The following TNFRSF10D variants were observed in gnomAD, a reference collection of about 807,000 sequenced individuals.
TNFRSF10D encodes TNF receptor superfamily member 10d.
Under a neutral mutation model 42.1 loss-of-function variants are expected in TNFRSF10D, and 28 were observed. The observed-to-expected ratio is 0.66, with a 90% CI of 0.49 to 0.91. The LOEUF (loss-of-function observed/expected upper bound fraction) is 0.91. Ranked by LOEUF, TNFRSF10D falls within the 40% of genes least tolerant of loss-of-function variation. TNFRSF10D has a pLI of 0.00. For synonymous variants in TNFRSF10D, 186 were observed against 189.4 expected, an observed-to-expected ratio of 0.98 and a Z score of 0.15; for missense variants, 503 against 486.1, an observed-to-expected ratio of 1.03 and a Z score of -0.33.
At chr8:23,142,498 G>A (rs910840485) in intron 7 of TNFRSF10D, among the ~76,000 whole-genome samples, 3 of 152,138 alleles carry the variant, frequency 2.0e-5, no homozygotes, top group Non-Finnish European at 4.4e-5. Flanking sequence ...ATGTAGGAAC[G>A]CAAAACCAAA....
intron 7 of TNFRSF10D, among the ~76,000 whole-genome samples, chr8:23,143,069 C>T (rs576563752): frequency 3.3e-5 from 5 of 152,178 alleles, no homozygotes; most frequent in South Asian, 2.1e-4. Context: ...CTCCGCCTCA[C>T]GGGTTCACGC....
At chr8:23,158,065 A>G (rs547701744) in intron 1 of TNFRSF10D, among the ~76,000 whole-genome samples, 938 of 152,278 alleles carry the variant, frequency 6.2e-3, no homozygotes, top group African/African-American at 0.019. Flanking sequence ...CAACTCAGGC[A>G]GTCCGGCTGT....
chr8:23,156,574 T>C (rs1283056514), intron 1 of TNFRSF10D, among the ~76,000 whole-genome samples: 1 of 146,544 alleles, frequency 6.8e-6, no homozygotes, highest in Admixed American at 6.9e-5. Context: ...TTTTTTTTTT[T>C]CTTTTTTGGA....
intron 2 of TNFRSF10D, among the ~76,000 whole-genome samples, chr8:23,151,919 T>TG (rs1032205175): frequency 5.3e-5 from 8 of 152,260 alleles, no homozygotes; most frequent in African/African-American, 1.4e-4. Flanking sequence ...AGCCTTGCCC[T>TG]GGGGGGGATC....
intron 1 of TNFRSF10D, among the ~76,000 whole-genome samples, chr8:23,159,587 G>A (rs1034540814): frequency 3.9e-5 from 6 of 152,020 alleles, no homozygotes; most frequent in African/African-American, 1.5e-4. Context: ...GTGTTGGCTG[G>A]GCATGGTGGC....
intron 7 of TNFRSF10D, among the ~76,000 whole-genome samples, chr8:23,138,764 T>C (rs992910886): frequency 2.0e-5 from 3 of 152,252 alleles, no homozygotes; most frequent in African/African-American, 7.2e-5. Flanking sequence ...GCAGTCTCTA[T>C]GGAGGCTGGA....
At chr8:23,159,208 C>A (rs1216251062) in intron 1 of TNFRSF10D, among the ~76,000 whole-genome samples, 2 of 152,108 alleles carry the variant, frequency 1.3e-5, no homozygotes, top group Admixed American at 6.6e-5. Context: ...TCTAAGGATG[C>A]ACCCACCTGG....
chr8:23,146,779 G>A (rs2128837087), intron 4 of TNFRSF10D, among the ~76,000 whole-genome samples, 182 bp downstream of exon 4: 1 of 152,236 alleles, frequency 6.6e-6, no homozygotes, highest in South Asian at 2.1e-4. Flanking sequence ...TGCTGCAGGG[G>A]GTAGGGGTGG....
chr8:23,163,679 C>T (rs1466355870), intron 1 of TNFRSF10D, 107 bp downstream of exon 1: 2 of 1,497,902 alleles, frequency 1.3e-6, no homozygotes, highest in African/African-American at 1.4e-5. Flanking sequence ...ACATGCCCGG[C>T]CGCAGGCGAC....
chr8:23,137,784 A>T lies in TNFRSF10D; in HGVS notation c.*86T>A. 1 of 1,524,864 alleles carries T rather than the reference A, an allele frequency of 6.6e-7. No individual in the cohort carries two copies. The highest frequency in any genetic ancestry group is 2.1e-5 in the Admixed American group (1 of 47,648). The allele number at this position is 1,524,864 out of a possible 1,614,324, so 94.5% of individuals were successfully genotyped here. On this transcript the variant is annotated 3_prime_UTR_variant, in exon 9 of 9. Coordinates refer to ENST00000312584, the MANE Select transcript of TNFRSF10D (RefSeq NM_003840.5). ...AGTAGAGTTTGTTGGGGCATGGGTC[A>T]AGTACTGGACTGTTTCTTCCAGGCT...
At position 23,163,821 on chromosome 8, in the gene TNFRSF10D, T is replaced by C. The variant is rs1264139019; in HGVS notation, c.115A>G (p.Lys39Glu). Residue 39 changes from lysine to glutamate, a missense_variant, in exon 1 of 9, where the codon AAG (lysine) becomes GAG (glutamate). Coordinates refer to ENST00000312584, the MANE Select transcript of TNFRSF10D (RefSeq NM_003840.5). ...RPWLLDPKIL[K>E]FVVFIVAVLL... is the part of the protein sequence containing the mutation. ...ACCGCGACGATGAAGACGACGAACT[T>C]AAGGATCTTGGGGTCCAGGAGCCAT... The C allele has an allele frequency of 3.1e-6, 5 of 1,608,900 alleles. No individual in the cohort carries two copies. The highest frequency in any genetic ancestry group is 4.2e-6 in the Non-Finnish European group (5 of 1,178,430).
At chr8:23,159,107 G>A (rs1459193515) in intron 1 of TNFRSF10D, among the ~76,000 whole-genome samples, 1 of 151,708 alleles carries the variant, frequency 6.6e-6, no homozygotes, top group Non-Finnish European at 1.5e-5. Context: ...GTGTGTGTGT[G>A]TCTGTGTCTG....
At chr8:23,138,497 T>C (rs949468363) in intron 7 of TNFRSF10D, among the ~76,000 whole-genome samples, 1 of 152,158 alleles carries the variant, frequency 6.6e-6, no homozygotes, top group Non-Finnish European at 1.5e-5. Context: ...ACTTTGACTA[T>C]AGGCCTGTGT....
chr8:23,161,556 A>G (rs1443197886), intron 1 of TNFRSF10D, among the ~76,000 whole-genome samples: 1 of 152,136 alleles, frequency 6.6e-6, no homozygotes, highest in Non-Finnish European at 1.5e-5. Flanking sequence ...CTCCAAGTTC[A>G]CAGCTGGGAA....
At chr8:23,161,050 C>A (rs1022026182) in intron 1 of TNFRSF10D, among the ~76,000 whole-genome samples, 2 of 152,262 alleles carry the variant, frequency 1.3e-5, no homozygotes, top group Non-Finnish European at 2.9e-5. Context: ...CAGGTGCAGC[C>A]TCTGCTGGGT....
intron 2 of TNFRSF10D, among the ~76,000 whole-genome samples, chr8:23,151,978 G>A (rs538040043): frequency 6.6e-6 from 1 of 152,308 alleles, no homozygotes; most frequent in South Asian, 2.1e-4. Flanking sequence ...TGTCCCGGTG[G>A]ACTGTCTAAT....
At chr8:23,142,972 T>G (rs536887426) in intron 7 of TNFRSF10D, among the ~76,000 whole-genome samples, 11 of 150,250 alleles carry the variant, frequency 7.3e-5, no homozygotes, top group Admixed American at 1.3e-4. Context: ...CCTTTGTTTT[T>G]TTTTTGTTTT....
intron 7 of TNFRSF10D, among the ~76,000 whole-genome samples, chr8:23,138,682 T>G (rs1338815068): frequency 6.6e-6 from 1 of 152,110 alleles, no homozygotes; most frequent in Admixed American, 6.5e-5. Flanking sequence ...AACAAAATGA[T>G]TTATCCCAAG....
rs377758944 is a variant in TNFRSF10D at position 23,144,502 on chromosome 8, G to C, written c.902C>G (p.Ala301Gly). 3.2e-5 allele frequency: 51 copies of C among 1,614,096 alleles called. No individual in the cohort carries two copies. The highest frequency in any genetic ancestry group is 3.9e-5 in the Non-Finnish European group (46 of 1,180,046). Residue 301 changes from alanine to glycine, a missense_variant, in exon 7 of 9, where the codon GCA becomes GGA. Coordinates refer to ENST00000312584, the MANE Select transcript of TNFRSF10D (RefSeq NM_003840.5). ...SEQEIQGQEL[A>G]ELTGVTVELP... ...CTCTACAGTCACACCTGTTAGCTCT[G>C]CCAGCTCCTGACCTTGGATTTCCTG...
Sources: gnomAD v4.1 joint callset for allele counts (sites outside exome capture counted in the v4.1 genomes callset) on GRCh38, gnomAD v4.1.1 for gene constraint, MANE v1.5 for transcripts, NCBI Gene and HGNC (gene_info 2026-07-23, HGNC 2026-07-21) for gene names.